PLEKHM2: variants seen among roughly 807,000 people sequenced by gnomAD.
The protein encoded by PLEKHM2 is pleckstrin homology domain-containing family M member 2.
A neutral mutation model predicts 116.3 loss-of-function variants in PLEKHM2; 77 were observed. That is an observed-to-expected ratio of 0.66 (90% confidence interval 0.55 to 0.80). PLEKHM2 has a LOEUF of 0.80. Among genes scored for constraint, PLEKHM2 ranks in the 30% least tolerant of loss-of-function variants. The pLI is 0.00. For synonymous variants in PLEKHM2, 562 were observed against 571.0 expected, an observed-to-expected ratio of 0.98 and a Z score of 0.22; for missense variants, 1,183 against 1,354.9, an observed-to-expected ratio of 0.87 and a Z score of 1.99.
At chr1:15,707,999 C>A (rs113575725) in intron 1 of PLEKHM2, among the ~76,000 whole-genome samples, 1 of 151,950 alleles carries the variant, frequency 6.6e-6, no homozygotes, top group African/African-American at 2.4e-5. Context: ...ATTCTCCTGC[C>A]TCAGCCTCCC....
At chr1:15,701,697 A>G (rs1269287038) in intron 1 of PLEKHM2, among the ~76,000 whole-genome samples, 4 of 152,110 alleles carry the variant, frequency 2.6e-5, no homozygotes, top group Non-Finnish European at 4.4e-5. Flanking sequence ...AGGCTGAGGC[A>G]GGAGAATGGT....
upstream of PLEKHM2, among the ~76,000 whole-genome samples, chr1:15,682,270 G>A (rs1640660836): frequency 1.3e-5 from 2 of 151,494 alleles, no homozygotes; most frequent in South Asian, 2.1e-4. Flanking sequence ...CCAACATGGC[G>A]AAACCCCGTC....
chr1:15,683,687 G>T (rs1192380166), upstream of PLEKHM2, among the ~76,000 whole-genome samples: 4 of 148,740 alleles, frequency 2.7e-5, no homozygotes, highest in Admixed American at 1.3e-4. Flanking sequence ...AGGGCTGGGG[G>T]CCCAGGGTCT....
chr1:15,687,162 G>GT (rs1029142205), intron 1 of PLEKHM2, among the ~76,000 whole-genome samples: 1 of 151,722 alleles, frequency 6.6e-6, no homozygotes, highest in African/African-American at 2.4e-5. Context: ...TTGTTTGTTT[G>GT]TTTTTTGTTT....
At chr1:15,706,067 C>G (rs1211694824) in intron 1 of PLEKHM2, among the ~76,000 whole-genome samples, 1 of 152,160 alleles carries the variant, frequency 6.6e-6, no homozygotes, top group African/African-American at 2.4e-5. Flanking sequence ...GGTGACAGAG[C>G]AAGACCCTGT....
chr1:15,698,684 A>G (rs568035754), intron 1 of PLEKHM2, among the ~76,000 whole-genome samples: 1 of 150,930 alleles, frequency 6.6e-6, no homozygotes, highest in South Asian at 2.1e-4. Flanking sequence ...AGTAGCTGGG[A>G]TTACAGGTGC....
chr1:15,712,299 C>T (rs924141671), intron 1 of PLEKHM2, among the ~76,000 whole-genome samples: 3 of 151,994 alleles, frequency 2.0e-5, no homozygotes, highest in African/African-American at 7.2e-5. Flanking sequence ...TATTTTTCAC[C>T]AAATGGACTG....
chr1:15,731,266 C>T lies in PLEKHM2; in HGVS notation c.2465+9C>T, dbSNP rs375736292. Reference sequence around the variant, plus strand: ...CTCTCGGTGAACATGGGGTAAGTGTCCCGGGAGAAGCGGGTGTATCCTGGG... The same window carrying T: ...CTCTCGGTGAACATGGGGTAAGTGTTCCGGGAGAAGCGGGTGTATCCTGGG... On this transcript the variant is annotated intron_variant, in intron 16 of 19. Transcript: ENST00000375799. The T allele has an allele frequency of 7.0e-6, 11 of 1,574,232 alleles. No homozygotes were observed. Among genetic ancestry groups the T allele is most frequent in the South Asian group, 1.2e-5 (1 of 86,152 alleles).
rs772673735 is a variant in PLEKHM2 at position 15,727,109 on chromosome 1, C to T, written c.1037C>T (p.Ala346Val). 5 of 1,572,958 alleles carry T rather than the reference C, an allele frequency of 3.2e-6. No homozygotes were observed. The South Asian group carries it at 3.5e-5, about 11-fold the overall frequency. The change falls in exon 9 of 20, where the codon GCC becomes GTC. Residue 346 changes from alanine to valine, a missense_variant. Ala to Val is a moderately conservative substitution (Grantham distance 64). Coordinates refer to ENST00000375799, the MANE Select transcript of PLEKHM2 (RefSeq NM_015164.4). The surrounding 1 kb of genome is among the most constrained non-coding windows in gnomAD (Gnocchi z 7.5). Reference protein sequence around the residue: ...LHPACSQKKCAKQGDGDSRNG... With the variant: ...LHPACSQKKCVKQGDGDSRNG... Reference sequence around the variant, plus strand: ...CCCGCCTGCAGCCAGAAGAAATGTGCCAAGCAGGGGGACGGTGACAGCCGC... The same window carrying T: ...CCCGCCTGCAGCCAGAAGAAATGTGTCAAGCAGGGGGACGGTGACAGCCGC...
At chr1:15,725,191 A>G in intron 7 of PLEKHM2, 126 bp from the exon 8 acceptor site, 1 of 664,324 alleles carries the variant, frequency 1.5e-6, no homozygotes. Context: ...AAATGGGGCC[A>G]CCCCTGTCAG....
chr1:15,694,160 T>A (rs568820568), intron 1 of PLEKHM2, among the ~76,000 whole-genome samples: 1 of 152,178 alleles, frequency 6.6e-6, no homozygotes, highest in East Asian at 1.9e-4. Context: ...GAGACCAGCT[T>A]GACCAACATG....
At chr1:15,702,964 C>T (rs1641146682) in intron 1 of PLEKHM2, among the ~76,000 whole-genome samples, 1 of 151,468 alleles carries the variant, frequency 6.6e-6, no homozygotes, top group Non-Finnish European at 1.5e-5. Flanking sequence ...TGGCTTCAAG[C>T]AATACTCCCG....
chr1:15,704,684 G>A (rs1198529651), intron 1 of PLEKHM2, among the ~76,000 whole-genome samples: 1 of 152,114 alleles, frequency 6.6e-6, no homozygotes, highest in African/African-American at 2.4e-5. Context: ...TCCGTGATGA[G>A]TGCCCATCAG....
At chr1:15,698,970 A>C (rs1641056662) in intron 1 of PLEKHM2, among the ~76,000 whole-genome samples, 1 of 152,080 alleles carries the variant, frequency 6.6e-6, no homozygotes, top group Admixed American at 6.6e-5. Context: ...TTTGATTGCC[A>C]TTGAGAATGA....
chr1:15,725,715 GGCCT>G, intron 8 of PLEKHM2, 170 bp downstream of exon 8: 1 of 605,024 alleles, frequency 1.7e-6, no homozygotes, highest in Non-Finnish European at 2.9e-6. Flanking sequence ...AGGAAGTGGA[GGCCT>G]GTCCTAGTCA....
rs981928504 is a variant in PLEKHM2, at chr1:15,708,944, A to G, written c.61-7293A>G. ...GTATCATGTACTTGGTAAACATAGT[A>G]TAAGCATTATGAACCCTCATGGCAA... On this transcript the variant is annotated intron_variant, in intron 1 of 19. Transcript: ENST00000375799. 2.0e-5 allele frequency among the ~76,000 whole-genome samples: 3 copies of G among 152,188 alleles called. No individual in the cohort carries two copies. The South Asian group carries it at 6.2e-4, about 32-fold the overall frequency.
chr1:15,713,622 G>T (rs1027822577), intron 1 of PLEKHM2, among the ~76,000 whole-genome samples: 3 of 146,104 alleles, frequency 2.1e-5, no homozygotes, highest in African/African-American at 8.2e-5. Flanking sequence ...TCTGTTTTTT[G>T]TTTGTTTGTT....
rs2068130820 is a variant in PLEKHM2, at chr1:15,730,741, C to A, written c.2399+19C>A. ...TGCTCAGGTGGGAGCCCTGGCAGCT[C>A]TAGGCCTGGGGCTTGGGCCCTGGGG... On this transcript the variant is annotated intron_variant, in intron 15 of 19. Transcript: ENST00000375799. The A allele has an allele frequency of 6.3e-7, 1 of 1,575,688 alleles. No homozygotes were observed. The highest frequency in any genetic ancestry group is 2.3e-5 in the East Asian group (1 of 42,732).
intron 1 of PLEKHM2, among the ~76,000 whole-genome samples, chr1:15,696,561 G>C (rs1247716907): frequency 1.3e-5 from 2 of 152,042 alleles, no homozygotes; most frequent in Non-Finnish European, 2.9e-5. Flanking sequence ...ATATTGGTCA[G>C]GCTGGTCTCG....
Sources: gnomAD v4.1 joint callset for allele counts (sites outside exome capture counted in the v4.1 genomes callset) on GRCh38, gnomAD v4.1.1 for gene constraint, Gnocchi (gnomAD v3.1) non-coding constraint, MANE v1.5 for transcripts, NCBI Gene and HGNC (gene_info 2026-07-23, HGNC 2026-07-21) for gene names.